The following JCAD variants were observed in gnomAD, a reference collection of about 807,000 sequenced individuals.
JCAD encodes the protein junctional cadherin 5-associated protein.
JCAD carries 40 observed loss-of-function variants against 98.0 expected under a neutral mutation model. The ratio of observed to expected loss-of-function variants is 0.41; its 90% CI spans 0.32 to 0.53. JCAD has a LOEUF of 0.53. Among genes scored for constraint, JCAD ranks in the 20% least tolerant of loss-of-function variants. JCAD has a pLI of 0.31. For synonymous variants in JCAD, 691 were observed against 682.3 expected (o/e 1.01, Z -0.20); for missense variants, 1,705 against 1,738.1 (o/e 0.98, Z 0.34).
At chr10:30,112,346 G>A (rs1838717779) in intron 1 of JCAD, among the ~76,000 whole-genome samples, 1 of 151,816 alleles carries the variant, frequency 6.6e-6, no homozygotes, top group African/African-American at 2.4e-5. Flanking sequence ...GGGTACAACA[G>A]CATGCACCTG....
intron 1 of JCAD, among the ~76,000 whole-genome samples, chr10:30,070,445 T>C (rs1469250761): frequency 1.3e-5 from 2 of 152,186 alleles, no homozygotes; most frequent in African/African-American, 4.8e-5. Context: ...GCAACTTCCT[T>C]GTAAAAGAAT....
Position 30,017,807 on chromosome 10 carries a change from G to T in JCAD, c.*76C>A. 1 of 1,328,548 alleles carries T rather than the reference G, an allele frequency of 7.5e-7. No individual in the cohort carries two copies. The highest frequency in any genetic ancestry group is 1.1e-6 in the Non-Finnish European group (1 of 920,164). 82.3% of individuals were successfully genotyped at this position (1,328,548 alleles called of 1,614,324 possible). A position where few individuals can be genotyped will look rare whatever the true frequency, so the allele number is the denominator to read the frequency against. On this transcript the variant is annotated 3_prime_UTR_variant, in exon 4 of 4. Transcript: ENST00000375377. The stretch of plus-strand genomic sequence containing the variant: ...CTTCCAGCTTCTACATGGGGAAGTG[G>T]GGCTGATAGACTAAATCTACCAGCT...
At chr10:30,106,360 G>T (rs1483736315) in intron 1 of JCAD, among the ~76,000 whole-genome samples, 1 of 152,052 alleles carries the variant, frequency 6.6e-6, no homozygotes, top group Non-Finnish European at 1.5e-5. Flanking sequence ...GAGCCCAGGA[G>T]TTGGAGACTG....
chr10:30,094,920 T>C (rs1022145967), intron 1 of JCAD, among the ~76,000 whole-genome samples: 1 of 152,152 alleles, frequency 6.6e-6, no homozygotes, highest in East Asian at 1.9e-4. Context: ...AGTCCCCCAT[T>C]TGGGAGTGCA....
At chr10:30,060,634 T>C (rs1013621969), upstream of JCAD, among the ~76,000 whole-genome samples, 1 of 152,210 alleles carries the variant, frequency 6.6e-6, no homozygotes, top group Non-Finnish European at 1.5e-5. Flanking sequence ...GAAAACTACT[T>C]AGCCACATCA....
In JCAD at chr10:30,026,693, C is replaced by T; in HGVS notation, c.3455G>A (p.Gly1152Asp). Residue 1152 changes from glycine to aspartate, a missense_variant, in exon 3 of 4, where the codon GGC (glycine) becomes GAC (aspartate). Transcript: ENST00000375377. ...TACAAAGAGAGGGCTCTTGGTCCAGCCGCACTTCCTCCTGCCATAAAAGGC... is the reference window on the plus strand; with the variant it reads ...TACAAAGAGAGGGCTCTTGGTCCAGTCGCACTTCCTCCTGCCATAAAAGGC... ...TDAFYGRRKC[G>D]WTKSPLFVGD... 1.2e-6 allele frequency: 2 copies of T among 1,613,694 alleles called. No homozygotes were observed. Among genetic ancestry groups the T allele is most frequent in the Non-Finnish European group, 1.7e-6 (2 of 1,180,010 alleles).
At chr10:30,064,865 T>C (rs1837757573) in intron 2 of JCAD, among the ~76,000 whole-genome samples, 1 of 152,176 alleles carries the variant, frequency 6.6e-6, no homozygotes. Context: ...AAAGACGGGG[T>C]TTCACCATGT....
upstream of JCAD, among the ~76,000 whole-genome samples, chr10:30,062,830 C>T (rs537242682): frequency 3.1e-4 from 47 of 152,330 alleles, no homozygotes; most frequent in African/African-American, 1.1e-3. Context: ...CCTCCCACAA[C>T]ACGTAAGGAC....
chr10:30,021,639 C>G (rs1258029205), intron 3 of JCAD, among the ~76,000 whole-genome samples: 1 of 152,106 alleles, frequency 6.6e-6, no homozygotes, highest in Non-Finnish European at 1.5e-5. Flanking sequence ...ATTTTAGATT[C>G]TTTTTTTGTA....
At chr10:30,062,126 G>A (rs1837710923), upstream of JCAD, among the ~76,000 whole-genome samples, 2 of 152,310 alleles carry the variant, frequency 1.3e-5, no homozygotes, top group South Asian at 4.1e-4. Context: ...AATGCTAGGA[G>A]CTAAGCTAAA....
intron 1 of JCAD, among the ~76,000 whole-genome samples, chr10:30,099,805 G>A (rs569476417): frequency 8.6e-5 from 13 of 151,876 alleles, no homozygotes; most frequent in African/African-American, 2.2e-4. Context: ...TAACTTCCTC[G>A]TAAAGTAACC....
intron 1 of JCAD, among the ~76,000 whole-genome samples, chr10:30,083,016 G>A (rs1219486068): frequency 6.6e-6 from 1 of 151,746 alleles, no homozygotes; most frequent in Non-Finnish European, 1.5e-5. Flanking sequence ...CCTGGCAACA[G>A]AGCAAGATTC....
intron 1 of JCAD, among the ~76,000 whole-genome samples, chr10:30,103,582 A>G (rs1838506545): frequency 6.6e-6 from 1 of 150,814 alleles, no homozygotes; most frequent in South Asian, 2.1e-4. Flanking sequence ...ATTAAAGTAA[A>G]TGAGGAAATG....
intron 1 of JCAD, among the ~76,000 whole-genome samples, chr10:30,050,314 CAAAA>C (rs61421356): frequency 0.095 from 3,935 of 41,288 alleles, 42 homozygotes; most frequent in East Asian, 0.25. Context: ...GACCCTGTCT[CAAAA>C]AAAAAAAAAA....
intron 2 of JCAD, among the ~76,000 whole-genome samples, chr10:30,041,829 G>A (rs1837248051): frequency 6.6e-6 from 1 of 152,190 alleles, no homozygotes; most frequent in African/African-American, 2.4e-5. Context: ...ACACATTAAG[G>A]AAACCCTGAG....
At chr10:30,068,056 T>C (rs1837815322) in intron 2 of JCAD, among the ~76,000 whole-genome samples, 3 of 152,132 alleles carry the variant, frequency 2.0e-5, no homozygotes, top group Non-Finnish European at 4.4e-5. Flanking sequence ...TTGGCTGAAG[T>C]ATTATGCAGT....
Position 30,029,461 on chromosome 10 carries a change from A to T in JCAD, c.687T>A (p.Ser229=), listed in dbSNP as rs749611729. Residue 229 remains serine (S), a synonymous_variant, in exon 3 of 4, where the codon TCT becomes TCA. Coordinates refer to ENST00000375377, the MANE Select transcript of JCAD (RefSeq NM_020848.4). ...HVLNSQNKGK[S]RSLPRVLSPE... is the part of the protein sequence containing the mutation. Reference sequence around the variant, plus strand: ...GGGAAAGAACTCTAGGCAGTGAGCGAGACTTCCCTTTGTTTTGAGAATTCA... The same window carrying T: ...GGGAAAGAACTCTAGGCAGTGAGCGTGACTTCCCTTTGTTTTGAGAATTCA... The T allele has an allele frequency of 1.9e-6, 3 of 1,614,136 alleles. 1 individual carries two copies. In the South Asian group the frequency reaches 3.3e-5, roughly 18 times the overall value.
At chr10:30,046,529 C>T (rs891337862) in intron 2 of JCAD, among the ~76,000 whole-genome samples, 4 of 152,200 alleles carry the variant, frequency 2.6e-5, no homozygotes, top group East Asian at 1.9e-4. Context: ...TTTTCACTCT[C>T]TGTAACCTGC....
chr10:30,092,497 G>T (rs933526272), intron 1 of JCAD, among the ~76,000 whole-genome samples: 1 of 152,076 alleles, frequency 6.6e-6, no homozygotes, highest in African/African-American at 2.4e-5. Flanking sequence ...AGGCCAATGC[G>T]TTGTTTTTAG....
Sources: gnomAD v4.1 joint callset for allele counts (sites outside exome capture counted in the v4.1 genomes callset) on GRCh38, gnomAD v4.1.1 for gene constraint, MANE v1.5 for transcripts, NCBI Gene and HGNC (gene_info 2026-07-23, HGNC 2026-07-21) for gene names.